Variants in CYTH1 observed in about 807,000 individuals in gnomAD.
CYTH1 encodes the protein cytohesin-1.
In CYTH1, 18 loss-of-function variants were observed where a neutral mutation model predicts 61.8. The ratio of observed to expected loss-of-function variants is 0.29; its 90% CI spans 0.20 to 0.43. CYTH1 has a LOEUF of 0.43. CYTH1 is among the 20% of genes least tolerant of loss of function. The probability of loss-of-function intolerance (pLI) is 1.00; values close to 1 mark genes in which losing one functional copy is unlikely to be tolerated. For synonymous variants in CYTH1, 174 were observed against 184.3 expected (o/e 0.94, Z 0.45); for missense variants, 336 against 510.5 (o/e 0.66, Z 3.29).
intron 1 of CYTH1, among the ~76,000 whole-genome samples, chr17:78,777,022 G>C (rs966212870): frequency 1.7e-4 from 26 of 152,274 alleles, no homozygotes; most frequent in Admixed American, 1.4e-3. Flanking sequence ...CTACTTGGGA[G>C]GCTGAGGCAG....
chr17:78,684,669 G>A (rs1205056624), intron 11 of CYTH1, among the ~76,000 whole-genome samples: 2 of 152,168 alleles, frequency 1.3e-5, no homozygotes, highest in Non-Finnish European at 2.9e-5. Flanking sequence ...GCTGACATTA[G>A]GTGAAGATAT....
Position 78,699,246 on chromosome 17 carries a change from C to T in CYTH1, c.551-278G>A, listed in dbSNP as rs184073850. 3.1e-3 allele frequency among the ~76,000 whole-genome samples: 466 copies of T among 152,210 alleles called. 2 individuals are homozygous for T. The highest frequency in any genetic ancestry group is 0.011 in the African/African-American group (452 of 41,526). ...AGGCGTGGCTGCACGCGCCTGTAAT[C>T]CCAGCAACTTGGGAGGCCGAGGCAG... On this transcript the variant is annotated intron_variant, in intron 7 of 13. Transcript: ENST00000446868.
intron 1 of CYTH1, among the ~76,000 whole-genome samples, chr17:78,711,314 TACACACACAC>T (rs71365530): frequency 7.0e-6 from 1 of 142,442 alleles, no homozygotes; most frequent in African/African-American, 2.7e-5. Flanking sequence ...TATATATATA[TACACACACAC>T]ACACACACAC....
chr17:78,748,555 G>A (rs1290571324), intron 1 of CYTH1, among the ~76,000 whole-genome samples: 1 of 152,168 alleles, frequency 6.6e-6, no homozygotes, highest in East Asian at 1.9e-4. Flanking sequence ...AGAGAATACA[G>A]GAGAATTGTC....
chr17:78,704,443 A>C (rs557093691), intron 3 of CYTH1, among the ~76,000 whole-genome samples: 5 of 152,334 alleles, frequency 3.3e-5, no homozygotes, highest in African/African-American at 1.2e-4. Context: ...TTATTGCCTT[A>C]AAGAACACAT....
rs1000690749 is a variant in CYTH1, at chr17:78,675,054, G to A, written c.*1037C>T. 6.6e-6 allele frequency: 1 copy of A among 152,302 alleles called. No individual in the cohort carries two copies. Among genetic ancestry groups the A allele is most frequent in the East Asian group, 1.9e-4 (1 of 5,200 alleles). The allele number at this position is 152,302 out of a possible 1,614,324, so 9.4% of individuals were successfully genotyped here. A position where few individuals can be genotyped will look rare whatever the true frequency, so the allele number is the denominator to read the frequency against. ...GAGGCAGAAAAAGCTGAAGCCCTACGGGGATCGGGGAAGTCCTACTCCTTC... is the reference window on the plus strand; with the variant it reads ...GAGGCAGAAAAAGCTGAAGCCCTACAGGGATCGGGGAAGTCCTACTCCTTC... On this transcript the variant is annotated 3_prime_UTR_variant, in exon 14 of 14. Transcript: ENST00000446868.
At chr17:78,704,162 C>T (rs1459037812) in intron 3 of CYTH1, among the ~76,000 whole-genome samples, 1 of 152,268 alleles carries the variant, frequency 6.6e-6, no homozygotes, top group Non-Finnish European at 1.5e-5. Context: ...GGGGCCTCAA[C>T]AAAACAGATT....
rs1254691881 is a variant in CYTH1 at position 78,702,196 on chromosome 17, A to C, written c.282T>G (p.Cys94Trp). 1 of 1,614,162 alleles carries C rather than the reference A, an allele frequency of 6.2e-7. No individual in the cohort carries two copies. Among genetic ancestry groups the C allele is most frequent in the Non-Finnish European group, 8.5e-7 (1 of 1,180,020 alleles). The change falls in exon 5 of 14, where the codon TGT (cysteine) becomes TGG (tryptophan). Residue 94 changes from cysteine (C) to tryptophan (W), a missense_variant. Transcript: ENST00000446868. Reference sequence around the variant, plus strand: ...TATATAAGAACTGGGCAATGTCTTCACAAGTGTTCTTCAGGAGGTCGTTCT... The same window carrying C: ...TATATAAGAACTGGGCAATGTCTTCCCAAGTGTTCTTCAGGAGGTCGTTCT... The part of the protein sequence containing the change: ...LIENDLLKNT[C>W]EDIAQFLYKG...
intron 1 of CYTH1, among the ~76,000 whole-genome samples, chr17:78,746,965 G>A (rs373874810): frequency 6.6e-6 from 1 of 151,580 alleles, no homozygotes; most frequent in African/African-American, 2.4e-5. Flanking sequence ...TAATAAAAGT[G>A]TACACTGATT....
At chr17:78,699,948 C>A (rs1356545896) in intron 7 of CYTH1, among the ~76,000 whole-genome samples, 5 of 152,126 alleles carry the variant, frequency 3.3e-5, no homozygotes, top group African/African-American at 1.2e-4. Flanking sequence ...AGCCACCACA[C>A]CTGGCTAATT....
At chr17:78,718,720 T>C (rs550149803) in intron 1 of CYTH1, among the ~76,000 whole-genome samples, 1 of 152,254 alleles carries the variant, frequency 6.6e-6, no homozygotes, top group Non-Finnish European at 1.5e-5. Flanking sequence ...TTCAACAAAC[T>C]GCTAATCTCT....
rs751494741 is a variant in CYTH1 at position 78,760,384 on chromosome 17, T to TATATATAC, written c.22+21817_22+21818insGTATATAT. ...ATATATATATATATATATATATATA[T>TATATATAC]ACACACACATACATATATATATGTG... On this transcript the variant is annotated intron_variant, in intron 1 of 13. Transcript: ENST00000446868. Among the ~76,000 whole-genome samples, 55 of 51,400 alleles carry TATATATAC rather than the reference T, an allele frequency of 1.1e-3. 6 individuals are homozygous for TATATATAC. The highest frequency in any genetic ancestry group is 0.011 in the Middle Eastern group (1 of 88). The allele number at this position is 51,400 out of a possible 152,430, so 33.7% of individuals were successfully genotyped here.
intron 11 of CYTH1, among the ~76,000 whole-genome samples, chr17:78,683,738 G>T (rs1037112342): frequency 6.6e-6 from 1 of 152,236 alleles, no homozygotes; most frequent in African/African-American, 2.4e-5. Flanking sequence ...GGGTGGTGGG[G>T]ACAGGCCCTC....
At position 78,701,689 on chromosome 17, in the gene CYTH1, T is replaced by C; in HGVS notation, c.419A>G (p.Asn140Ser). The C allele has an allele frequency of 1.2e-6, 2 of 1,614,178 alleles. No homozygotes were observed. Among genetic ancestry groups the C allele is most frequent in the Non-Finnish European group, 1.7e-6 (2 of 1,180,044 alleles). ...FVELHEFTDL[N>S]LVQALRQFLW... ...TACTCACCGTAGTGCCTGGACGAGA[T>C]TAAGATCAGTGAACTCATGCAGCTC... Residue 140 changes from asparagine to serine, a missense_variant, in exon 6 of 14, where the codon AAT (asparagine) becomes AGT (serine). Physicochemically the swap from Asn to Ser is conservative, Grantham distance 46. Transcript: ENST00000446868.
At chr17:78,747,809 T>C (rs530694128) in intron 1 of CYTH1, among the ~76,000 whole-genome samples, 14 of 152,330 alleles carry the variant, frequency 9.2e-5, no homozygotes, top group African/African-American at 3.4e-4. Flanking sequence ...TGGCATCTGG[T>C]TGTTTCCACT....
intron 1 of CYTH1, among the ~76,000 whole-genome samples, chr17:78,747,524 T>G (rs767304735): frequency 4.6e-5 from 7 of 152,180 alleles, no homozygotes; most frequent in Non-Finnish European, 8.8e-5. Flanking sequence ...TATCTAATTC[T>G]AGAACATTTT....
chr17:78,756,069 A>T (rs1368494092), intron 1 of CYTH1, among the ~76,000 whole-genome samples: 1 of 137,934 alleles, frequency 7.2e-6, no homozygotes. Context: ...TTATTTATTT[A>T]TTTATTTTTA....
At chr17:78,678,912 G>A (rs867781632) in intron 13 of CYTH1, among the ~76,000 whole-genome samples, 76 of 152,260 alleles carry the variant, frequency 5.0e-4, no homozygotes, top group Admixed American at 1.9e-3. Flanking sequence ...TCAGCGCAGC[G>A]TGACCTGGCG....
rs937593706 is a variant in CYTH1, at chr17:78,762,314, C to T, written c.22+19888G>A. ...AGGGCGGCTTTTTTGCACATGCCTTCCCCTACCTTTGAATTAGGAGCACTC... is the reference window on the plus strand; with the variant it reads ...AGGGCGGCTTTTTTGCACATGCCTTTCCCTACCTTTGAATTAGGAGCACTC... On this transcript the variant is annotated intron_variant, in intron 1 of 13. Transcript: ENST00000446868. Among the ~76,000 whole-genome samples the T allele has an allele frequency of 2.6e-5, 4 of 152,182 alleles. No individual in the cohort carries two copies. The South Asian group carries it at 8.3e-4, about 32-fold the overall frequency.
Sources: allele counts gnomAD v4.1 joint callset (sites outside exome capture counted in the v4.1 genomes callset), GRCh38; gene constraint gnomAD v4.1.1; transcripts MANE v1.5; gene names NCBI Gene and HGNC (gene_info 2026-07-23, HGNC 2026-07-21).